TEX11: variants seen among roughly 807,000 people sequenced by gnomAD.
The protein encoded by TEX11 is testis-expressed protein 11.
In TEX11, 7 loss-of-function variants were observed where a neutral mutation model predicts 84.4. That is an observed-to-expected ratio of 0.08 (90% confidence interval 0.05 to 0.16). The LOEUF is 0.16. TEX11 is among the 10% of genes least tolerant of loss of function. The pLI is 1.00. For synonymous variants in TEX11, 264 were observed against 222.8 expected (o/e 1.18, Z -1.64); for missense variants, 551 against 660.5 (o/e 0.83, Z 1.82).
At chrX:70,807,616 A>C (rs1380949573) in intron 8 of TEX11, among the ~76,000 whole-genome samples, 1 of 111,589 alleles carries the variant, frequency 9.0e-6, no homozygotes, top group Non-Finnish European at 1.9e-5. Context: ...AGTCTTTTAT[A>C]AGTTTTACCC....
At position 70,581,294 on chromosome X, in the gene TEX11, CTTT is replaced by C. The variant is rs35102694; in HGVS notation, c.2140+10454_2140+10456del. Among the ~76,000 whole-genome samples the C allele has an allele frequency of 7.3e-4, 32 of 43,635 alleles. No individual in the cohort carries two copies. In the East Asian group the frequency reaches 0.014, roughly 20 times the overall value. 37.9% of individuals were successfully genotyped at this position (43,635 alleles called of 115,157 possible). A position where few individuals can be genotyped will look rare whatever the true frequency, so the allele number is the denominator to read the frequency against. On this transcript the variant is annotated intron_variant, in intron 25 of 29. Transcript: ENST00000374333. ...GCAGTTTTAAGTTTATATACTGTTG[CTTT>C]TTTTTTTTTTTTTTTTTTTAAGATG...
At position 70,713,336 on chromosome X, in the gene TEX11, C is replaced by G. The variant is rs751942874; in HGVS notation, c.1004+9282G>C. 9.1e-4 allele frequency among the ~76,000 whole-genome samples: 102 copies of G among 111,912 alleles called. 1 individual carries two copies. The highest frequency in any genetic ancestry group is 3.3e-3 in the African/African-American group (101 of 30,846). ...GAGTTACGGAGGATTCCCTCTTTTT[C>G]TATTGATTGGAATAGTTTCAGAAGG... On this transcript the variant is annotated intron_variant, in intron 13 of 29. Coordinates refer to ENST00000374333, the MANE Select transcript of TEX11 (RefSeq NM_031276.3).
intron 16 of TEX11, among the ~76,000 whole-genome samples, chrX:70,667,653 C>T (rs1166773655): frequency 1.8e-5 from 2 of 111,877 alleles, no homozygotes; most frequent in African/African-American, 3.2e-5. Flanking sequence ...GTAGGCCGGG[C>T]GCGGTGGCTC....
chrX:70,627,262 G>A (rs1490122139), intron 18 of TEX11, among the ~76,000 whole-genome samples: 2 of 112,130 alleles, frequency 1.8e-5, no homozygotes, highest in Non-Finnish European at 3.8e-5. Flanking sequence ...TAGTTGGTGA[G>A]AGAAGGAAGG....
chrX:70,520,285 C>T, the TEX11 span, among the ~76,000 whole-genome samples: 2 of 111,897 alleles, frequency 1.8e-5, no homozygotes, highest in Admixed American at 9.5e-5. Context: ...ATGATGGTGA[C>T]CTACAGATGG....
At chrX:70,788,967 TATATATAGAGAGAGAGAGAG>T (rs1313010430) in intron 9 of TEX11, among the ~76,000 whole-genome samples, 217 of 31,928 alleles carry the variant, frequency 6.8e-3, no homozygotes, top group African/African-American at 0.012. Flanking sequence ...TATATATATA[TATATATAGAGAGAGAGAGAG>T]AGAGAGAGAG....
intron 25 of TEX11, among the ~76,000 whole-genome samples, chrX:70,579,951 G>A (rs531846804): frequency 3.6e-5 from 4 of 111,882 alleles, no homozygotes; most frequent in Middle Eastern, 4.6e-3. Flanking sequence ...CCCACTCCTA[G>A]GTATACACTC....
In TEX11 at chrX:70,548,526, T is replaced by C. The variant is rs183187653; in HGVS notation, c.2520+3600A>G. 9.9e-5 allele frequency among the ~76,000 whole-genome samples: 11 copies of C among 111,327 alleles called. No individual in the cohort carries two copies. The East Asian group carries it at 2.8e-3, about 29-fold the overall frequency. ...CCACTGAAGAGTGTAGGAAGGACAA[T>C]CTTGAACTGCCAATGCCACCCCTCT... On this transcript the variant is annotated intron_variant, in intron 28 of 29. Transcript: ENST00000374333.
intron 9 of TEX11, among the ~76,000 whole-genome samples, chrX:70,787,704 G>A (rs1361409914): frequency 1.8e-5 from 2 of 111,491 alleles, no homozygotes; most frequent in African/African-American, 6.5e-5. Context: ...GAAAGTAAAA[G>A]ACATCCAAAC....
chrX:70,819,934 G>A (rs748558192), intron 8 of TEX11, among the ~76,000 whole-genome samples: 2 of 111,309 alleles, frequency 1.8e-5, no homozygotes, highest in Non-Finnish European at 3.8e-5. Flanking sequence ...ATAGATAAAT[G>A]GAAATACATC....
chrX:70,738,031 T>G (rs2090708809), intron 11 of TEX11, among the ~76,000 whole-genome samples: 1 of 111,677 alleles, frequency 9.0e-6, no homozygotes, highest in Non-Finnish European at 1.9e-5. Flanking sequence ...ATTCAGGACA[T>G]AGGCATAGGC....
At chrX:70,748,290 G>A (rs949021731) in intron 9 of TEX11, among the ~76,000 whole-genome samples, 2 of 111,507 alleles carry the variant, frequency 1.8e-5, no homozygotes, top group African/African-American at 6.5e-5. Context: ...CACATGATGA[G>A]CGAAAATTAT....
intron 4 of TEX11, among the ~76,000 whole-genome samples, chrX:70,866,193 A>G (rs1439783221): frequency 9.0e-6 from 1 of 111,572 alleles, no homozygotes; most frequent in Non-Finnish European, 1.9e-5. Context: ...GACAGTAAAA[A>G]TGATAAAGGG....
chrX:70,705,544 A>C (rs1458793963), intron 13 of TEX11, among the ~76,000 whole-genome samples: 1 of 111,476 alleles, frequency 9.0e-6, no homozygotes, highest in Admixed American at 9.6e-5. Context: ...GGGAGAAAAT[A>C]TTTGCAATCT....
chrX:70,713,632 G>A (rs1167650276), intron 13 of TEX11, among the ~76,000 whole-genome samples: 1 of 111,485 alleles, frequency 9.0e-6, no homozygotes, highest in Non-Finnish European at 1.9e-5. Flanking sequence ...GGGATCGGTG[G>A]TGATATCCCC....
intron 11 of TEX11, among the ~76,000 whole-genome samples, chrX:70,731,369 GT>G (rs1281004692): frequency 1.8e-5 from 2 of 110,148 alleles, no homozygotes; most frequent in Non-Finnish European, 3.8e-5. Flanking sequence ...CCAGGAGCTG[GT>G]TTTTTGAAAA....
chrX:70,865,174 T>C (rs1053899564), intron 4 of TEX11, among the ~76,000 whole-genome samples: 8 of 111,181 alleles, frequency 7.2e-5, no homozygotes, highest in African/African-American at 2.6e-4. Context: ...GAGACACACA[T>C]AGGCTCAAAA....
chrX:70,621,569 TATATATATAA>T (rs1480625753), intron 20 of TEX11, among the ~76,000 whole-genome samples: 32 of 55,583 alleles, frequency 5.8e-4, no homozygotes, highest in Non-Finnish European at 9.5e-4. Context: ...TATATATATA[TATATATATAA>T]ATAAAAATAA....
intron 4 of TEX11, among the ~76,000 whole-genome samples, chrX:70,865,189 C>G (rs775238093): frequency 9.0e-6 from 1 of 110,968 alleles, no homozygotes; most frequent in Admixed American, 9.6e-5. Context: ...TCAAAATAAA[C>G]GGATGGAGGA....
Sources: gnomAD v4.1 joint callset for allele counts (sites outside exome capture counted in the v4.1 genomes callset) on GRCh38, gnomAD v4.1.1 for gene constraint, MANE v1.5 for transcripts, NCBI Gene and HGNC (gene_info 2026-07-23, HGNC 2026-07-21) for gene names.